Variants in EML5 observed in about 807,000 individuals in gnomAD.
EML5 encodes the protein echinoderm microtubule-associated protein-like 5.
Under a neutral mutation model 250.0 loss-of-function variants are expected in EML5, and 120 were observed. The observed-to-expected ratio is 0.48, with a 90% CI of 0.41 to 0.56. The LOEUF (loss-of-function observed/expected upper bound fraction) is 0.56, where lower values mean the gene tolerates loss of function less well. Among genes scored for constraint, EML5 ranks in the 20% least tolerant of loss-of-function variants. EML5 has a pLI of 0.00. For missense variants in EML5, 2,006 were observed against 2,437.6 expected (o/e 0.82, Z 3.73); for synonymous variants, 771 against 806.5 (o/e 0.96, Z 0.75).
At chr14:88,647,646 A>AC (rs1362062049) in intron 28 of EML5, among the ~76,000 whole-genome samples, 1 of 140,618 alleles carries the variant, frequency 7.1e-6, no homozygotes, top group East Asian at 2.3e-4. Flanking sequence ...AGCTGTGATC[A>AC]CATCACTGCA....
At chr14:88,726,753 T>A in intron 7 of EML5, 75 bp from the exon 8 acceptor site, 1 of 1,092,852 alleles carries the variant, frequency 9.2e-7, no homozygotes, top group Non-Finnish European at 1.2e-6. Flanking sequence ...GTTAAAATAA[T>A]CTCATCTTAA....
chr14:88,744,441 T>C (rs2093975390), intron 3 of EML5, among the ~76,000 whole-genome samples: 1 of 151,922 alleles, frequency 6.6e-6, no homozygotes, highest in Non-Finnish European at 1.5e-5. Context: ...GAAAAGAGAT[T>C]CAGAATGGAA....
chr14:88,684,986 A>G, intron 20 of EML5, 29 bp downstream of exon 20: 1 of 1,582,244 alleles, frequency 6.3e-7, no homozygotes, highest in Non-Finnish European at 8.6e-7. Flanking sequence ...TATGTAAAGA[A>G]AAAAAAACAA....
rs1488570723 is a variant in EML5, at chr14:88,618,691, C to CA, written c.5496dup (p.Val1833CysfsTer10). The CA allele has an allele frequency of 1.2e-6, 2 of 1,612,436 alleles. No individual in the cohort carries two copies. Among genetic ancestry groups the CA allele is most frequent in the African/African-American group, 2.7e-5 (2 of 74,914 alleles). Reference sequence around the variant, plus strand: ...TCTGCAGAGAAGTCCATTTGAATGACAAAGCTTGGAATGTCTTTGCAGTAG... The same window carrying CA: ...TCTGCAGAGAAGTCCATTTGAATGACAAAAGCTTGGAATGTCTTTGCAGTAG... On this transcript the variant is annotated frameshift_variant, in exon 40 of 44. Coordinates refer to ENST00000554922, the MANE Select transcript of EML5 (RefSeq NM_183387.3). LOFTEE classifies it high-confidence loss of function.
chr14:88,760,242 G>T (rs903299367), intron 1 of EML5, among the ~76,000 whole-genome samples: 1 of 151,984 alleles, frequency 6.6e-6, no homozygotes, highest in African/African-American at 2.4e-5. Flanking sequence ...AGGTAATAAA[G>T]ATTTCCTCTG....
At chr14:88,786,844 C>A (rs1430157330) in intron 1 of EML5, among the ~76,000 whole-genome samples, 1 of 152,170 alleles carries the variant, frequency 6.6e-6, no homozygotes, top group Non-Finnish European at 1.5e-5. Context: ...ACCTCTTTTT[C>A]CTCCCAGTCT....
intron 1 of EML5, among the ~76,000 whole-genome samples, chr14:88,759,706 T>TAAAAAAAAAAAAAAAAAAA (rs2094212320): frequency 1.2e-4 from 8 of 66,152 alleles, no homozygotes; most frequent in African/African-American, 6.1e-4. Flanking sequence ...AAAAAAAAAC[T>TAAAAAAAAAAAAAAAAAAA]GGGGAGAAAA....
In EML5 at chr14:88,638,849, C is replaced by T; in HGVS notation, c.4296G>A (p.Gln1432=). 1 of 1,598,308 alleles carries T rather than the reference C, an allele frequency of 6.3e-7. No homozygotes were observed. Among genetic ancestry groups the T allele is most frequent in the Non-Finnish European group, 8.5e-7 (1 of 1,171,978 alleles). ...CCACTATGTTGATAAATTTGGGGTG[C>T]TGGTTTACTGTGAGGCACAGAATAT... The part of the protein sequence containing the change: ...NDDILCLTVN[Q]HPKFINIVAT... Residue 1432 remains glutamine (Q), a synonymous_variant, in exon 32 of 44, where the codon CAG becomes CAA. Coordinates refer to ENST00000554922, the MANE Select transcript of EML5 (RefSeq NM_183387.3).
intron 1 of EML5, among the ~76,000 whole-genome samples, chr14:88,776,952 A>G (rs979772541): frequency 5.9e-5 from 9 of 152,156 alleles, no homozygotes; most frequent in African/African-American, 2.2e-4. Flanking sequence ...TAGTCTCAAA[A>G]GGGCAAATAA....
intron 1 of EML5, among the ~76,000 whole-genome samples, chr14:88,765,323 T>C (rs941253407): frequency 6.6e-6 from 1 of 152,190 alleles, no homozygotes; most frequent in African/African-American, 2.4e-5. Context: ...TTCAGAACGT[T>C]AGCTGAATTC....
chr14:88,693,023 AT>A (rs1320369187), intron 17 of EML5, among the ~76,000 whole-genome samples: 1 of 152,156 alleles, frequency 6.6e-6, no homozygotes, highest in African/African-American at 2.4e-5. Flanking sequence ...GAAAACAGAC[AT>A]TTTTTATTTT....
At chr14:88,653,765 G>A (rs929745974) in intron 27 of EML5, among the ~76,000 whole-genome samples, 2 of 152,016 alleles carry the variant, frequency 1.3e-5, no homozygotes, top group Non-Finnish European at 2.9e-5. Context: ...TTCTTTTTTT[G>A]TTGTGTCTCT....
chr14:88,620,749 C>A lies in EML5; in HGVS notation c.5375+5G>T. 1 of 1,575,490 alleles carries A rather than the reference C, an allele frequency of 6.3e-7. No homozygotes were observed. The highest frequency in any genetic ancestry group is 1.2e-5 in the South Asian group (1 of 83,362). The stretch of plus-strand genomic sequence containing the variant: ...CTAGAAACTCTATTCCATTTGTTCA[C>A]TAACCTGATATCATGGATTGCACAT... On this transcript the variant is annotated splice_donor_5th_base_variant and intron_variant, in intron 39 of 43. Coordinates refer to ENST00000554922, the MANE Select transcript of EML5 (RefSeq NM_183387.3). The surrounding 1 kb of genome is among the most constrained non-coding windows in gnomAD (Gnocchi z 4.3).
intron 6 of EML5, 114 bp from the exon 7 acceptor site, chr14:88,736,679 C>A: frequency 1.0e-6 from 1 of 980,228 alleles, no homozygotes; most frequent in African/African-American, 1.6e-5. Flanking sequence ...AACCTTCAAA[C>A]CTAAGACAGT....
intron 21 of EML5, among the ~76,000 whole-genome samples, chr14:88,675,613 T>C (rs2092577100): frequency 6.6e-6 from 1 of 152,200 alleles, no homozygotes; most frequent in Admixed American, 6.5e-5. Context: ...CTGGAGACAC[T>C]TTCCCCATTG....
intron 10 of EML5, among the ~76,000 whole-genome samples, chr14:88,707,270 T>TTTTATTTATTTATTTA (rs36057410): frequency 3.7e-4 from 54 of 145,576 alleles, no homozygotes; most frequent in African/African-American, 9.7e-4. Flanking sequence ...TAGGGATATA[T>TTTTATTTATTTATTTA]TTTATTTATT....
chr14:88,676,394 C>G (rs543379145), intron 21 of EML5, among the ~76,000 whole-genome samples: 11 of 152,120 alleles, frequency 7.2e-5, no homozygotes, highest in Non-Finnish European at 1.6e-4. Context: ...GGTGAAATGC[C>G]AGACACATGA....
Position 88,665,391 on chromosome 14 carries a change from G to A in EML5, c.3223C>T (p.Leu1075Phe). 6.2e-7 allele frequency: 1 copy of A among 1,613,894 alleles called. No individual in the cohort carries two copies. The highest frequency in any genetic ancestry group is 1.1e-5 in the South Asian group (1 of 91,080). The change falls in exon 22 of 44, where the codon CTT (leucine) becomes TTT (phenylalanine). Residue 1075 changes from leucine to phenylalanine, a missense_variant. Around this residue, in one of 7 missense-constraint regions of EML5, gnomAD observed 1,375 missense variants for 1,590.3 expected, o/e 0.86. Coordinates refer to ENST00000554922, the MANE Select transcript of EML5 (RefSeq NM_183387.3). ...LMANADTLEDLVSFHHRKDMI... is the reference protein window; with the variant it reads ...LMANADTLEDFVSFHHRKDMI... Reference sequence around the variant, plus strand: ...TCTTTTCTGTGATGAAAAGACACAAGATCCTCTAGAGTATCCGCATTTGCC... The same window carrying A: ...TCTTTTCTGTGATGAAAAGACACAAAATCCTCTAGAGTATCCGCATTTGCC...
At chr14:88,672,869 C>T (rs2092503276) in intron 21 of EML5, among the ~76,000 whole-genome samples, 1 of 152,088 alleles carries the variant, frequency 6.6e-6, no homozygotes, top group African/African-American at 2.4e-5. Flanking sequence ...AGACCAATAA[C>T]AGTTCTGAAA....
Sources: gnomAD v4.1 joint callset for allele counts (sites outside exome capture counted in the v4.1 genomes callset) on GRCh38, gnomAD v4.1.1 for gene constraint, gnomAD v4.1.1 regional missense constraint, Gnocchi (gnomAD v3.1) non-coding constraint, MANE v1.5 for transcripts, NCBI Gene and HGNC (gene_info 2026-07-23, HGNC 2026-07-21) for gene names.